SH3D21: variants seen among roughly 807,000 people sequenced by gnomAD.
The protein encoded by SH3D21 is SH3 domain-containing protein 21.
A neutral mutation model predicts 82.1 loss-of-function variants in SH3D21; 83 were observed. That is an observed-to-expected ratio of 1.01 (90% CI 0.85 to 1.21). The LOEUF (loss-of-function observed/expected upper bound fraction) is 1.21, where lower values mean the gene tolerates loss of function less well. Ranked by LOEUF, SH3D21 falls within the 50% of genes most tolerant of loss-of-function variation. SH3D21 has a pLI of 0.00. For missense variants in SH3D21, 980 were observed against 962.1 expected, an observed-to-expected ratio of 1.02 and a Z score of -0.25; for synonymous variants, 383 against 387.8, an observed-to-expected ratio of 0.99 and a Z score of 0.15.
downstream of SH3D21, chr1:36,328,048 T>C (rs1047524311): frequency 8.5e-6 from 4 of 469,442 alleles, no homozygotes; most frequent in Admixed American, 4.7e-5. Flanking sequence ...CCAGGACTTA[T>C]CTGCTGTCTG....
In SH3D21 at chr1:36,307,513, C is replaced by A. The variant is rs1274714097; in HGVS notation, c.346-4C>A. The stretch of plus-strand genomic sequence containing the variant: ...GACGCCTCTGCGTCCTCCCCTCTCC[C>A]CAGATTGAGGACGGCTGGTGGCTGG... On this transcript the variant is annotated splice_region_variant and splice_polypyrimidine_tract_variant and intron_variant, in intron 4 of 15. Transcript: ENST00000453908. The surrounding 1 kb of genome is among the most constrained non-coding windows in gnomAD (Gnocchi z 5.4). 3.2e-6 allele frequency: 5 copies of A among 1,551,432 alleles called. No individual in the cohort carries two copies. The African/African-American group carries it at 6.8e-5, about 21-fold the overall frequency.
rs565238610 is a variant in SH3D21 at position 36,309,744 on chromosome 1, A to G, written c.769+154A>G. Among the ~76,000 whole-genome samples, 8 of 145,716 alleles carry G rather than the reference A, an allele frequency of 5.5e-5. No homozygotes were observed. In the Admixed American group the frequency reaches 5.8e-4, roughly 11 times the overall value. On this transcript the variant is annotated intron_variant, in intron 10 of 15. Transcript: ENST00000453908. ...AAAAGCTGGGTAGGAATGTACGTGA[A>G]TCAATGTGTGGGTCAGTTTGTGTGT... is the stretch of plus-strand genomic sequence containing the variant.
chr1:36,320,724 A>C lies in SH3D21; in HGVS notation c.2061A>C (p.Gly687=). 1 of 1,613,344 alleles carries C rather than the reference A, an allele frequency of 6.2e-7. No homozygotes were observed. The highest frequency in any genetic ancestry group is 8.5e-7 in the Non-Finnish European group (1 of 1,179,638). ...PQNYTENKNE[G]VDVTSLRGEV... is the part of the protein sequence containing the mutation. The stretch of plus-strand genomic sequence containing the variant: ...ACTACACGGAAAACAAGAATGAAGG[A>C]GTTGATGTAACGTCGCTGAGGGGCG... The change falls in exon 14 of 16, where the codon GGA becomes GGC. Residue 687 remains glycine, a synonymous_variant. Coordinates refer to ENST00000453908, the MANE Select transcript of SH3D21 (RefSeq NM_001162530.2).
chr1:36,325,778 T>C (rs1426768170), downstream of SH3D21, among the ~76,000 whole-genome samples: 1 of 151,758 alleles, frequency 6.6e-6, no homozygotes, highest in Non-Finnish European at 1.5e-5. Flanking sequence ...TCTGCTGACC[T>C]CGTGATCCAC....
chr1:36,321,930 G>C, downstream of SH3D21: 1 of 1,100,518 alleles, frequency 9.1e-7, no homozygotes, highest in South Asian at 3.8e-5. This position sits in a 1 kb window ranked among gnomAD's most constrained non-coding sequence, Gnocchi z 6.1. Flanking sequence ...GGGTGGTGCA[G>C]CTAGGGTAAG....
chr1:36,321,049 C>T lies in SH3D21; in HGVS notation c.2200-7C>T, dbSNP rs1219308971. On this transcript the variant is annotated splice_polypyrimidine_tract_variant and splice_region_variant and intron_variant, in intron 15 of 15. Coordinates refer to ENST00000453908, the MANE Select transcript of SH3D21 (RefSeq NM_001162530.2). This position sits in a 1 kb window ranked among gnomAD's most constrained non-coding sequence, Gnocchi z 6.1. ...CCTGACAAAGTCTCCACCTCACTCC[C>T]GACCAGGTCCAGGTGATGCAGGGGA... 1.9e-6 allele frequency: 3 copies of T among 1,610,102 alleles called. No individual in the cohort carries two copies. The highest frequency in any genetic ancestry group is 1.7e-4 in the Middle Eastern group (1 of 6,054).
At chr1:36,314,522 C>T (rs1353036323) in intron 10 of SH3D21, among the ~76,000 whole-genome samples, 3 of 147,628 alleles carry the variant, frequency 2.0e-5, no homozygotes, top group East Asian at 4.0e-4. Context: ...GTGGCATGAT[C>T]TCAGCTCACT....
chr1:36,317,018 A>G (rs1032337543), intron 10 of SH3D21, among the ~76,000 whole-genome samples: 8 of 152,140 alleles, frequency 5.3e-5, no homozygotes, highest in South Asian at 2.1e-4. Context: ...TTTAAGTCCA[A>G]TGGTGCCTCA....
In SH3D21 at chr1:36,307,023, CG is replaced by C; in HGVS notation, c.226+120del. 1.4e-6 allele frequency: 2 copies of C among 1,431,532 alleles called. No individual in the cohort carries two copies. The highest frequency in any genetic ancestry group is 2.6e-4 in the Middle Eastern group (1 of 3,828). The allele number at this position is 1,431,532 out of a possible 1,614,324, so 88.7% of individuals were successfully genotyped here. On this transcript the variant is annotated intron_variant, in intron 3 of 15. Coordinates refer to ENST00000453908, the MANE Select transcript of SH3D21 (RefSeq NM_001162530.2). The surrounding 1 kb of genome is among the most constrained non-coding windows in gnomAD (Gnocchi z 5.4). ...TGGGCGGGACCTCGGGGCCGCCCTGCGGTCTGTGATTGGTTCTCGAGTGCAA... is the reference window on the plus strand; with the variant it reads ...TGGGCGGGACCTCGGGGCCGCCCTGCGTCTGTGATTGGTTCTCGAGTGCAA...
At chr1:36,319,384 G>C (rs1232706551) in intron 12 of SH3D21, 58 bp from the exon 13 acceptor site, 1 of 1,550,632 alleles carries the variant, frequency 6.4e-7, no homozygotes, top group East Asian at 2.4e-5. Flanking sequence ...GAGGGACAGA[G>C]GTGGGAAGAG....
downstream of SH3D21, chr1:36,323,392 G>C (rs994803542): frequency 9.8e-6 from 2 of 204,812 alleles, no homozygotes; most frequent in East Asian, 2.3e-4. Context: ...TCCGGGAAGG[G>C]AAGCTGCCTC....
chr1:36,313,195 A>C (rs1354173466), intron 10 of SH3D21, among the ~76,000 whole-genome samples: 2 of 152,062 alleles, frequency 1.3e-5, no homozygotes, highest in African/African-American at 4.8e-5. Context: ...ATGGTGGCAC[A>C]TGCCTGTAGT....
chr1:36,325,388 G>T (rs773543748), downstream of SH3D21, among the ~76,000 whole-genome samples: 7 of 152,172 alleles, frequency 4.6e-5, no homozygotes, highest in South Asian at 2.1e-4. Flanking sequence ...ATCAAGAGAT[G>T]ATTTAAAGTA....
intron 10 of SH3D21, among the ~76,000 whole-genome samples, chr1:36,315,540 G>A (rs936211437): frequency 1.3e-5 from 2 of 151,914 alleles, no homozygotes; most frequent in African/African-American, 4.8e-5. Flanking sequence ...GTAGAGAGGG[G>A]GTTTCACCAT....
chr1:36,308,991 C>A (rs1179868401), intron 9 of SH3D21, among the ~76,000 whole-genome samples: 1 of 151,964 alleles, frequency 6.6e-6, no homozygotes, highest in African/African-American at 2.4e-5. Flanking sequence ...GAATGGGACC[C>A]CAACCTAAAC....
chr1:36,308,461 C>T lies in SH3D21; in HGVS notation c.712C>T (p.Leu238Phe), dbSNP rs1646175427. 6.4e-7 allele frequency: 1 copy of T among 1,551,628 alleles called. No homozygotes were observed. The highest frequency in any genetic ancestry group is 1.2e-5 in the South Asian group (1 of 84,042). ...RRGVFPDNFV[L>F]PPPPIKKLVP... The stretch of plus-strand genomic sequence containing the variant: ...AGGAGTTTTTCCAGACAACTTTGTA[C>T]TCCCACCACCCCCAGTGAGTACAGA... Residue 238 changes from leucine to phenylalanine, a missense_variant, in exon 9 of 16, where the codon CTC (leucine) becomes TTC (phenylalanine). Leu to Phe is a conservative substitution (Grantham distance 22). Coordinates refer to ENST00000453908, the MANE Select transcript of SH3D21 (RefSeq NM_001162530.2).
At chr1:36,309,417 G>A (rs897591350) in intron 9 of SH3D21, 131 bp from the exon 10 acceptor site, 6 of 1,024,816 alleles carry the variant, frequency 5.9e-6, no homozygotes, top group East Asian at 2.7e-5. Context: ...AGCTGGTCTC[G>A]AACTTCTGTC....
intron 10 of SH3D21, among the ~76,000 whole-genome samples, chr1:36,316,885 C>T (rs1646354691): frequency 6.6e-6 from 1 of 151,838 alleles, no homozygotes; most frequent in Non-Finnish European, 1.5e-5. Context: ...TGCCTCAGCC[C>T]CCCACGTAGC....
chr1:36,320,867 C>A, intron 14 of SH3D21, 48 bp from the exon 15 acceptor site: 1 of 1,551,270 alleles, frequency 6.4e-7, no homozygotes, highest in Non-Finnish European at 8.7e-7. Flanking sequence ...CAGCCCCTCA[C>A]CTCCAGCCCT....
Sources: gnomAD v4.1 joint callset for allele counts (sites outside exome capture counted in the v4.1 genomes callset) on GRCh38, gnomAD v4.1.1 for gene constraint, Gnocchi (gnomAD v3.1) non-coding constraint, MANE v1.5 for transcripts, NCBI Gene and HGNC (gene_info 2026-07-23, HGNC 2026-07-21) for gene names.